DNMBP: variants seen among roughly 807,000 people sequenced by gnomAD.
DNMBP encodes the protein dynamin binding protein.
DNMBP carries 87 observed loss-of-function variants against 150.0 expected under a neutral mutation model. That is an observed-to-expected ratio of 0.58 (90% CI 0.49 to 0.69). The LOEUF is 0.69. Among genes scored for constraint, DNMBP ranks in the 30% least tolerant of loss-of-function variants. The pLI, the probability that DNMBP is intolerant of heterozygous loss-of-function variation, is 0.00. For synonymous variants in DNMBP, 711 were observed against 750.4 expected, an observed-to-expected ratio of 0.95 and a Z score of 0.86; for missense variants, 1,774 against 1,949.0, an observed-to-expected ratio of 0.91 and a Z score of 1.69.
chr10:99,971,670 G>A (rs1032614654), intron 2 of DNMBP, among the ~76,000 whole-genome samples: 3 of 151,850 alleles, frequency 2.0e-5, no homozygotes, highest in African/African-American at 2.4e-5. Context: ...ACAGGCACGC[G>A]CCACCACACC....
intron 4 of DNMBP, among the ~76,000 whole-genome samples, chr10:99,923,086 T>G (rs2040041251): frequency 6.6e-6 from 1 of 152,078 alleles, no homozygotes; most frequent in African/African-American, 2.4e-5. Flanking sequence ...AGACCCTGTC[T>G]CTACTAAAAA....
At chr10:99,899,879 TAA>T (rs765941815) in intron 7 of DNMBP, 38 bp downstream of exon 7, 4 of 1,611,842 alleles carry the variant, frequency 2.5e-6, no homozygotes, top group Non-Finnish European at 3.4e-6. Flanking sequence ...CTTAGAGAAC[TAA>T]AGAGCTGTAA....
intron 12 of DNMBP, among the ~76,000 whole-genome samples, chr10:99,886,947 C>T (rs2039476657): frequency 6.6e-6 from 1 of 152,144 alleles, no homozygotes; most frequent in Non-Finnish European, 1.5e-5. Flanking sequence ...GCATTAGAAA[C>T]CAGCCGTGAA....
intron 1 of DNMBP, among the ~76,000 whole-genome samples, chr10:99,977,732 G>A (rs1372106614): frequency 1.3e-5 from 2 of 152,116 alleles, no homozygotes; most frequent in Non-Finnish European, 2.9e-5. Flanking sequence ...ATTTGTTGAA[G>A]TTTGGGAAAA....
intron 16 of DNMBP, among the ~76,000 whole-genome samples, chr10:99,877,676 C>T (rs35293537): frequency 0.057 from 8,645 of 152,160 alleles, 345 homozygotes; most frequent in Non-Finnish European, 0.089. Context: ...CCAGCCTGGC[C>T]AACATGGTGA....
intron 4 of DNMBP, among the ~76,000 whole-genome samples, chr10:99,912,720 G>A (rs1193941020): frequency 6.6e-6 from 1 of 152,032 alleles, no homozygotes; most frequent in African/African-American, 2.4e-5. Flanking sequence ...TAAAGGAGGG[G>A]GTTGTTACCC....
chr10:99,899,909 A>G lies in DNMBP; in HGVS notation c.2702+10T>C. The G allele has an allele frequency of 6.2e-7, 1 of 1,614,084 alleles. No individual in the cohort carries two copies. Among genetic ancestry groups the G allele is most frequent in the Non-Finnish European group, 8.5e-7 (1 of 1,179,996 alleles). On this transcript the variant is annotated intron_variant, in intron 7 of 16. Transcript: ENST00000324109. ...AGCTGTAATGGAAGTTAAGTGGTCA[A>G]AACTCCTACTTCAGATCTGCCAAGG... is the stretch of plus-strand genomic sequence containing the variant.
chr10:99,884,448 A>G (rs2039425736), intron 14 of DNMBP, among the ~76,000 whole-genome samples: 1 of 152,160 alleles, frequency 6.6e-6, no homozygotes, highest in Non-Finnish European at 1.5e-5. Context: ...CTATTCTTAC[A>G]TTTGTTTTCT....
intron 4 of DNMBP, among the ~76,000 whole-genome samples, chr10:99,929,051 G>A (rs1344427038): frequency 2.6e-5 from 4 of 152,072 alleles, no homozygotes; most frequent in Admixed American, 1.3e-4. Flanking sequence ...GGCTAAAGTG[G>A]GAGGATCTCT....
At position 99,909,060 on chromosome 10, in the gene DNMBP, C is replaced by T. The variant is rs768624995; in HGVS notation, c.2347G>A (p.Glu783Lys). Reference sequence around the variant, plus strand: ...TCTTCTATGACCTTGGCTCTCTTCTCCAGCATCCTCTGCTCTGGATTTTCG... The same window carrying T: ...TCTTCTATGACCTTGGCTCTCTTCTTCAGCATCCTCTGCTCTGGATTTTCG... The part of the protein sequence containing the change: ...SAENPEQRML[E>K]KRAKVIEELL... Residue 783 changes from glutamate to lysine, a missense_variant, in exon 5 of 17, where the codon GAG (glutamate) becomes AAG (lysine). Coordinates refer to ENST00000324109, the MANE Select transcript of DNMBP (RefSeq NM_015221.4). 5 of 1,614,068 alleles carry T rather than the reference C, an allele frequency of 3.1e-6. No homozygotes were observed. In the Admixed American group the frequency reaches 8.3e-5, roughly 27 times the overall value.
chr10:100,005,325 AG>A (rs2041055857), intron 1 of DNMBP, among the ~76,000 whole-genome samples: 2 of 152,226 alleles, frequency 1.3e-5, no homozygotes, highest in South Asian at 2.1e-4. Context: ...GTTAGGGGGT[AG>A]GAACAACTTG....
intron 9 of DNMBP, among the ~76,000 whole-genome samples, chr10:99,896,637 G>C (rs905176516): frequency 2.0e-5 from 3 of 152,208 alleles, no homozygotes; most frequent in African/African-American, 7.2e-5. Context: ...TTAAGGGAAA[G>C]AACTTAAGGA....
At chr10:99,930,474 T>C (rs1201599711) in intron 4 of DNMBP, 1 of 703,028 alleles carries the variant, frequency 1.4e-6, no homozygotes, top group Non-Finnish European at 2.6e-6. Flanking sequence ...ATAACCATCA[T>C]GACCTCCGTG....
chr10:99,877,082 G>A lies in DNMBP; in HGVS notation c.*69C>T, dbSNP rs1004603394. 40 of 1,461,568 alleles carry A rather than the reference G, an allele frequency of 2.7e-5. No homozygotes were observed. The highest frequency in any genetic ancestry group is 4.0e-4 in the Middle Eastern group (2 of 4,948). The allele number at this position is 1,461,568 out of a possible 1,614,324, so 90.5% of individuals were successfully genotyped here. On this transcript the variant is annotated 3_prime_UTR_variant, in exon 17 of 17. Coordinates refer to ENST00000324109, the MANE Select transcript of DNMBP (RefSeq NM_015221.4). ...GTGTCTCAGGAGCAGGCGCCCTCTC[G>A]GTGGGCCGCCAGAACCCTCGGCGGA...
At chr10:99,976,651 G>A (rs139678658) in intron 1 of DNMBP, among the ~76,000 whole-genome samples, 62 of 152,280 alleles carry the variant, frequency 4.1e-4, no homozygotes, top group African/African-American at 1.3e-3. Context: ...AAGGACACAT[G>A]TTCGTGGTAG....
In DNMBP at chr10:99,985,446, G is replaced by C. The variant is rs573750097; in HGVS notation, c.-10-13312C>G. Among the ~76,000 whole-genome samples the C allele has an allele frequency of 4.3e-4, 65 of 152,088 alleles. 2 individuals carry two copies. Among genetic ancestry groups the C allele is most frequent in the African/African-American group, 1.6e-3 (65 of 41,498 alleles). On this transcript the variant is annotated intron_variant, in intron 1 of 16. Transcript: ENST00000324109. ...AAGAACTCAGTGTCCTTCTTTTTTT[G>C]AGTCAGGGTCTCGCTCAGCCACCCA...
chr10:99,918,319 A>T (rs1245396481), intron 4 of DNMBP, among the ~76,000 whole-genome samples: 1 of 152,100 alleles, frequency 6.6e-6, no homozygotes, highest in African/African-American at 2.4e-5. Context: ...CTGGATCACC[A>T]AACTTCAGAG....
At chr10:99,894,693 G>A (rs1272368937) in intron 11 of DNMBP, among the ~76,000 whole-genome samples, 3 of 152,210 alleles carry the variant, frequency 2.0e-5, no homozygotes, top group African/African-American at 7.2e-5. Context: ...TAAGGTGTGT[G>A]TGGGATGAAG....
chr10:99,983,655 G>A (rs1318442067), intron 1 of DNMBP, among the ~76,000 whole-genome samples: 2 of 152,208 alleles, frequency 1.3e-5, no homozygotes, highest in East Asian at 1.9e-4. Context: ...CCCCAGGACC[G>A]CAGCACTGAC....
Sources: gnomAD v4.1 joint callset for allele counts (sites outside exome capture counted in the v4.1 genomes callset) on GRCh38, gnomAD v4.1.1 for gene constraint, MANE v1.5 for transcripts, NCBI Gene and HGNC (gene_info 2026-07-23, HGNC 2026-07-21) for gene names.